Variants in MKLN1 observed in about 807,000 individuals in gnomAD.
MKLN1 encodes muskelin 1.
In MKLN1, 18 loss-of-function variants were observed where a neutral mutation model predicts 99.0. The observed-to-expected ratio is 0.18, with a 90% CI of 0.13 to 0.27. MKLN1 has a LOEUF of 0.27. Ranked by LOEUF, MKLN1 falls within the 10% of genes least tolerant of loss-of-function variation. The pLI is 1.00. For missense variants in MKLN1, 621 were observed against 875.9 expected, an observed-to-expected ratio of 0.71 and a Z score of 3.67; for synonymous variants, 288 against 293.2, an observed-to-expected ratio of 0.98 and a Z score of 0.18.
chr7:131,384,307 G>A (rs1392175726), intron 2 of MKLN1, among the ~76,000 whole-genome samples: 1 of 146,450 alleles, frequency 6.8e-6, no homozygotes, highest in Non-Finnish European at 1.5e-5. Flanking sequence ...TTAAGGTAGG[G>A]ATCTCGAGGT....
intron 1 of MKLN1, among the ~76,000 whole-genome samples, chr7:131,134,500 A>G (rs1318887290): frequency 6.6e-6 from 1 of 152,166 alleles, no homozygotes; most frequent in Non-Finnish European, 1.5e-5. Flanking sequence ...CAGACCTGTC[A>G]TTCATTTGCA....
intron 2 of MKLN1, among the ~76,000 whole-genome samples, chr7:131,383,132 G>T (rs552153003): frequency 6.6e-5 from 10 of 152,236 alleles, no homozygotes; most frequent in African/African-American, 2.4e-4. Context: ...TGTTGCTATT[G>T]TTCCACACCT....
chr7:131,381,418 T>C (rs967030049), intron 2 of MKLN1, among the ~76,000 whole-genome samples: 3 of 152,222 alleles, frequency 2.0e-5, no homozygotes, highest in Non-Finnish European at 4.4e-5. Flanking sequence ...ACATTTACTC[T>C]ACCAGCACAG....
chr7:131,323,130 G>A (rs1443215122), upstream of MKLN1, among the ~76,000 whole-genome samples: 1 of 152,128 alleles, frequency 6.6e-6, no homozygotes, highest in Non-Finnish European at 1.5e-5. Context: ...CCATTCTGTT[G>A]TTGTTCTGCT....
At chr7:131,464,561 T>TC (rs1325042282) in intron 14 of MKLN1, among the ~76,000 whole-genome samples, 153 bp downstream of exon 14, 1 of 152,214 alleles carries the variant, frequency 6.6e-6, no homozygotes, top group East Asian at 1.9e-4. Context: ...ATATCACTTC[T>TC]CCCTAAAATT....
rs919825182 is a variant in MKLN1, at chr7:131,488,424, C to G, written c.*696C>G. ...TATCTGAGATTGGTATATAATATTT[C>G]TATAATGATATATTTTATAGTAGAT... On this transcript the variant is annotated 3_prime_UTR_variant, in exon 18 of 18. Transcript: ENST00000352689. 2.6e-5 allele frequency: 4 copies of G among 152,450 alleles called. No individual in the cohort carries two copies. The highest frequency in any genetic ancestry group is 7.2e-5 in the African/African-American group (3 of 41,400). The allele number at this position is 152,450 out of a possible 1,614,324, so 9.4% of individuals were successfully genotyped here.
chr7:131,194,007 T>TG (rs760507956), intron 2 of MKLN1, among the ~76,000 whole-genome samples: 4,974 of 134,974 alleles, frequency 0.037, 116 homozygotes, highest in Non-Finnish European at 0.05. Flanking sequence ...TGTTTTGTTT[T>TG]TTTTTTTTTT....
In MKLN1 at chr7:131,237,939, G is replaced by A. The variant is rs528376059; in HGVS notation, c.-179+34965G>A. ...AGGCAGGTGGATCACCTGAGGTCAG[G>A]AGTTCGACACCAGCCTGGTCAACAT... On this transcript the variant is annotated intron_variant, in intron 3 of 7. Transcript: ENST00000416992. Among the ~76,000 whole-genome samples, 30 of 152,266 alleles carry A rather than the reference G, an allele frequency of 2.0e-4. No homozygotes were observed. The East Asian group carries it at 5.6e-3, about 28-fold the overall frequency.
rs1171284891 is a variant in MKLN1 at position 131,495,328 on chromosome 7, C to G, written c.*7600C>G. ...CTGCTTATTAATGCTGTGAATCGCTCCTTCTGTTTGTGAAAACATCTCCTG... is the reference window on the plus strand; with the variant it reads ...CTGCTTATTAATGCTGTGAATCGCTGCTTCTGTTTGTGAAAACATCTCCTG... On this transcript the variant is annotated 3_prime_UTR_variant, in exon 18 of 18. Transcript: ENST00000352689. 1.3e-5 allele frequency: 2 copies of G among 152,156 alleles called. No individual in the cohort carries two copies. Among genetic ancestry groups the G allele is most frequent in the Non-Finnish European group, 2.9e-5 (2 of 68,020 alleles). The allele number at this position is 152,156 out of a possible 1,614,324, so 9.4% of individuals were successfully genotyped here.
chr7:131,231,056 G>T (rs1330257994), intron 3 of MKLN1, among the ~76,000 whole-genome samples: 1 of 141,500 alleles, frequency 7.1e-6, no homozygotes, highest in Non-Finnish European at 1.5e-5. Flanking sequence ...GGAGGCCGAG[G>T]TTGCAGTGAG....
chr7:131,175,152 G>GGATA (rs72387849), intron 2 of MKLN1, among the ~76,000 whole-genome samples: 1 of 150,064 alleles, frequency 6.7e-6, no homozygotes, highest in East Asian at 2.0e-4. Flanking sequence ...ATGGGTGGAT[G>GGATA]GATAGATAGA....
At chr7:131,367,417 C>T (rs976505990) in intron 1 of MKLN1, among the ~76,000 whole-genome samples, 1 of 152,012 alleles carries the variant, frequency 6.6e-6, no homozygotes, top group African/African-American at 2.4e-5. Context: ...TAGTTGATAC[C>T]GAATTGTGTC....
At chr7:131,235,384 T>G (rs1255414373) in intron 3 of MKLN1, among the ~76,000 whole-genome samples, 1 of 152,012 alleles carries the variant, frequency 6.6e-6, no homozygotes, top group African/African-American at 2.4e-5. Flanking sequence ...TTCTGAAGAT[T>G]AATTTCTCAG....
In MKLN1 at chr7:131,231,137, A is replaced by AAAAG. The variant is rs1797237573; in HGVS notation, c.-179+28166_-179+28167insGAAA. On this transcript the variant is annotated intron_variant, in intron 3 of 7. Coordinates refer to the MKLN1 transcript ENST00000416992. The stretch of plus-strand genomic sequence containing the variant: ...TCTGTCTCAAAAAAAAAAAAAAAAA[A>AAAAG]AAAAAGGTTTTAAATCTGATGGGCC... 4.6e-5 allele frequency among the ~76,000 whole-genome samples: 7 copies of AAAAG among 151,448 alleles called. 1 individual carries two copies. The South Asian group carries it at 1.5e-3, about 32-fold the overall frequency.
chr7:131,202,369 C>A (rs893468242), intron 2 of MKLN1, among the ~76,000 whole-genome samples: 1 of 151,754 alleles, frequency 6.6e-6, no homozygotes, highest in Non-Finnish European at 1.5e-5. Flanking sequence ...CCAGCCTCGG[C>A]CTCTCAATAT....
chr7:131,127,957 GA>G (rs1235436011), intron 1 of MKLN1, among the ~76,000 whole-genome samples: 1 of 152,072 alleles, frequency 6.6e-6, no homozygotes, highest in Admixed American at 6.5e-5. Context: ...AGTAACCAGG[GA>G]AAAAGGGAGC....
chr7:131,423,559 C>T (rs960051891), intron 8 of MKLN1, among the ~76,000 whole-genome samples: 1 of 152,068 alleles, frequency 6.6e-6, no homozygotes, highest in Non-Finnish European at 1.5e-5. Context: ...CTCGAACTCC[C>T]GACCTCAGGT....
intron 3 of MKLN1, among the ~76,000 whole-genome samples, chr7:131,311,463 T>C (rs1798562703): frequency 6.6e-6 from 1 of 152,118 alleles, no homozygotes; most frequent in African/African-American, 2.4e-5. Flanking sequence ...AACACATTCA[T>C]CCTAATATAA....
At chr7:131,448,198 AC>A (rs1265245576) in intron 12 of MKLN1, among the ~76,000 whole-genome samples, 1 of 152,102 alleles carries the variant, frequency 6.6e-6, no homozygotes, top group Non-Finnish European at 1.5e-5. Context: ...ACTGCACTCC[AC>A]CCTGGGCGAC....
Sources: gnomAD v4.1 joint callset for allele counts (sites outside exome capture counted in the v4.1 genomes callset) on GRCh38, gnomAD v4.1.1 for gene constraint, MANE v1.5 for transcripts, NCBI Gene and HGNC (gene_info 2026-07-23, HGNC 2026-07-21) for gene names.